SYT14: variants seen among roughly 807,000 people sequenced by gnomAD.
SYT14 encodes the protein synaptotagmin-14.
Under a neutral mutation model 74.2 loss-of-function variants are expected in SYT14, and 32 were observed. That is an observed-to-expected ratio of 0.43 (90% CI 0.33 to 0.58). The LOEUF (loss-of-function observed/expected upper bound fraction) is 0.58, where lower values mean the gene tolerates loss of function less well. Among genes scored for constraint, SYT14 ranks in the 20% least tolerant of loss-of-function variants. SYT14 has a pLI of 0.05. For synonymous variants in SYT14, 298 were observed against 337.7 expected, an observed-to-expected ratio of 0.88 and a Z score of 1.29; for missense variants, 791 against 981.8, an observed-to-expected ratio of 0.81 and a Z score of 2.60.
intron 5 of SYT14, among the ~76,000 whole-genome samples, chr1:210,060,849 T>A (rs937658477): frequency 6.6e-6 from 1 of 152,080 alleles, no homozygotes; most frequent in Admixed American, 6.6e-5. Context: ...GTTTTTCTGC[T>A]ATTTTCTTAC....
At chr1:210,091,474 A>G (rs1347918589) in intron 5 of SYT14, among the ~76,000 whole-genome samples, 1 of 152,188 alleles carries the variant, frequency 6.6e-6, no homozygotes, top group Non-Finnish European at 1.5e-5. Context: ...GGATTGCTTG[A>G]GCCCAGGAAT....
rs182313798 is a variant in SYT14, at chr1:210,112,819, T to C, written c.2034+12358T>C. On this transcript the variant is annotated intron_variant, in intron 7 of 9. Transcript: ENST00000637265. ...TATAACAGCATGGTGGTGCAGGATA[T>C]GGAAGGCATATTTAGAGTCAGTATA... Among the ~76,000 whole-genome samples, 168 of 151,454 alleles carry C rather than the reference T, an allele frequency of 1.1e-3. 10 individuals are homozygous for C. Among genetic ancestry groups the C allele is most frequent in the African/African-American group, 4.1e-3 (166 of 40,730 alleles).
chr1:210,101,447 G>T (rs940770532), intron 7 of SYT14, among the ~76,000 whole-genome samples: 3 of 152,046 alleles, frequency 2.0e-5, no homozygotes, highest in Non-Finnish European at 4.4e-5. Context: ...ATTTTATGTT[G>T]TAAGACCTTG....
intron 7 of SYT14, among the ~76,000 whole-genome samples, chr1:210,108,942 A>G (rs368057583): frequency 1.7e-4 from 26 of 152,258 alleles, no homozygotes; most frequent in African/African-American, 6.0e-4. Flanking sequence ...CCAGAGTGTG[A>G]TGGTGGAAGT....
chr1:210,055,574 T>C (rs908212392), intron 5 of SYT14, among the ~76,000 whole-genome samples: 1 of 151,772 alleles, frequency 6.6e-6, no homozygotes, highest in African/African-American at 2.4e-5. Context: ...CCCAACACTT[T>C]GGGAGGCTAA....
intron 7 of SYT14, among the ~76,000 whole-genome samples, chr1:210,128,356 G>A (rs913193198): frequency 1.3e-5 from 2 of 150,790 alleles, no homozygotes; most frequent in South Asian, 2.1e-4. Context: ...TAGTCTGGGT[G>A]ACAGAGCGAG....
chr1:210,010,996 C>T (rs1458649390), intron 2 of SYT14, among the ~76,000 whole-genome samples: 1 of 152,150 alleles, frequency 6.6e-6, no homozygotes, highest in Admixed American at 6.5e-5. Context: ...TTTCTGTTAT[C>T]AATAACTAGC....
chr1:209,990,527 A>ATATATATACGTATATATATACG (rs1553262322), intron 2 of SYT14, among the ~76,000 whole-genome samples: 1 of 12,818 alleles, frequency 7.8e-5, no homozygotes, highest in African/African-American at 3.1e-4. Flanking sequence ...TATTTCACAT[A>ATATATATACGTATATATATACG]TATATATATA....
At chr1:210,056,878 C>G (rs1004858770) in intron 5 of SYT14, among the ~76,000 whole-genome samples, 2 of 147,144 alleles carry the variant, frequency 1.4e-5, no homozygotes, top group African/African-American at 4.9e-5. Flanking sequence ...CAGTCTTGCT[C>G]TGTCACCCAG....
intron 2 of SYT14, among the ~76,000 whole-genome samples, chr1:209,974,416 A>G (rs918357586): frequency 1.3e-5 from 2 of 152,206 alleles, no homozygotes; most frequent in Non-Finnish European, 2.9e-5. Flanking sequence ...ATCCAGTTTC[A>G]GCTTTCTACA....
intron 2 of SYT14, among the ~76,000 whole-genome samples, chr1:209,998,988 A>C (rs534279272): frequency 2.0e-5 from 3 of 152,132 alleles, no homozygotes; most frequent in Non-Finnish European, 4.4e-5. Flanking sequence ...AGAAAACAAC[A>C]GAGCAAAAAG....
exon 10 of SYT14, chr1:210,170,347 A>T (rs981598964): frequency 2.0e-5 from 3 of 152,032 alleles, no homozygotes; most frequent in Non-Finnish European, 4.4e-5. Flanking sequence ...TTTTCATATA[A>T]TTGAAAATGT....
intron 5 of SYT14, among the ~76,000 whole-genome samples, chr1:210,067,586 C>T (rs2081318871): frequency 6.6e-6 from 1 of 151,634 alleles, no homozygotes; most frequent in Non-Finnish European, 1.5e-5. Context: ...GATTTGAAGA[C>T]CTCTCTCTAT....
At chr1:210,101,785 AG>A (rs1431554529) in intron 7 of SYT14, among the ~76,000 whole-genome samples, 1 of 152,172 alleles carries the variant, frequency 6.6e-6, no homozygotes, top group Non-Finnish European at 1.5e-5. Flanking sequence ...AGTGATCACT[AG>A]TTACTCTGTG....
intron 2 of SYT14, among the ~76,000 whole-genome samples, chr1:209,958,041 A>G (rs1011258995): frequency 6.6e-6 from 1 of 151,542 alleles, no homozygotes; most frequent in Non-Finnish European, 1.5e-5. Context: ...ACTTTAAGAG[A>G]TTTAGTCTTG....
chr1:209,973,475 C>T (rs936693376), intron 2 of SYT14, among the ~76,000 whole-genome samples: 4 of 151,980 alleles, frequency 2.6e-5, no homozygotes, highest in African/African-American at 9.7e-5. Flanking sequence ...GGGGTTTTGT[C>T]CTTGAGATAG....
intron 7 of SYT14, among the ~76,000 whole-genome samples, chr1:210,107,693 A>G (rs1461707471): frequency 6.6e-6 from 1 of 152,158 alleles, no homozygotes. Flanking sequence ...TATTCATTTT[A>G]TTTCATTTTT....
intron 5 of SYT14, among the ~76,000 whole-genome samples, chr1:210,048,458 G>T (rs925510294): frequency 6.6e-6 from 1 of 152,192 alleles, no homozygotes; most frequent in African/African-American, 2.4e-5. Context: ...CAAGACAAGA[G>T]AGCTGCTGCG....
intron 7 of SYT14, among the ~76,000 whole-genome samples, chr1:210,153,535 C>T (rs994088487): frequency 1.3e-5 from 2 of 151,962 alleles, no homozygotes; most frequent in African/African-American, 2.4e-5. Context: ...TATTTAAATG[C>T]CATAATAAAT....
Sources: allele counts gnomAD v4.1 joint callset (sites outside exome capture counted in the v4.1 genomes callset), GRCh38; gene constraint gnomAD v4.1.1; transcripts MANE v1.5; gene names NCBI Gene and HGNC (gene_info 2026-07-23, HGNC 2026-07-21).